ITGB5: variants seen among roughly 807,000 people sequenced by gnomAD.
ITGB5 encodes the protein integrin subunit beta 5.
A neutral mutation model predicts 84.8 loss-of-function variants in ITGB5; 38 were observed. The observed-to-expected ratio is 0.45, with a 90% CI of 0.35 to 0.59. ITGB5 has a LOEUF of 0.59. ITGB5 is among the 20% of genes least tolerant of loss of function. ITGB5 has a pLI of 0.01. For missense variants in ITGB5, 905 were observed against 1,034.5 expected (o/e 0.87, Z 1.72); for synonymous variants, 393 against 414.4 (o/e 0.95, Z 0.63).
chr3:124,800,414 AGT>A (rs762830293), intron 9 of ITGB5, among the ~76,000 whole-genome samples: 2 of 152,194 alleles, frequency 1.3e-5, no homozygotes, highest in African/African-American at 2.4e-5. Context: ...TCTGGGAGAA[AGT>A]GGGAGGTTAG....
intron 5 of ITGB5, among the ~76,000 whole-genome samples, chr3:124,826,459 A>C (rs2064785760): frequency 6.6e-6 from 1 of 152,212 alleles, no homozygotes; most frequent in Non-Finnish European, 1.5e-5. Context: ...GTAGAACAGG[A>C]ATAATAATAT....
At chr3:124,840,875 A>C (rs1260980772) in intron 5 of ITGB5, among the ~76,000 whole-genome samples, 1 of 152,106 alleles carries the variant, frequency 6.6e-6, no homozygotes, top group African/African-American at 2.4e-5. Flanking sequence ...TATGTTGGCC[A>C]GGCTGGCCTT....
chr3:124,764,525 G>A lies in ITGB5; in HGVS notation c.2170C>T (p.Leu724Phe), dbSNP rs745640260. 2.5e-6 allele frequency: 4 copies of A among 1,613,836 alleles called. No individual in the cohort carries two copies. The highest frequency in any genetic ancestry group is 2.2e-5 in the South Asian group (2 of 91,052). Reference protein sequence around the residue: ...CGNTPNAMTILLAVVGSILLV... With the variant: ...CGNTPNAMTIFLAVVGSILLV... Reference sequence around the variant, plus strand: ...AGGATGCTACCGACCACAGCCAGGAGGATGGTCATGGCGTTGGGGGTGTTT... The same window carrying A: ...AGGATGCTACCGACCACAGCCAGGAAGATGGTCATGGCGTTGGGGGTGTTT... Residue 724 changes from leucine to phenylalanine, a missense_variant, in exon 14 of 15, where the codon CTC becomes TTC. Physicochemically the swap from Leu to Phe is conservative, Grantham distance 22 (BLOSUM62 0). Around this residue, in one of 3 missense-constraint regions of ITGB5, gnomAD observed 133 missense variants for 122.8 expected, o/e 1.08. Transcript: ENST00000296181.
intron 9 of ITGB5, among the ~76,000 whole-genome samples, chr3:124,808,516 A>T (rs1377464677): frequency 2.0e-5 from 3 of 152,202 alleles, no homozygotes; most frequent in Non-Finnish European, 4.4e-5. Flanking sequence ...ATTTGAATAA[A>T]CTTAATCTGG....
At chr3:124,764,932 A>C (rs1220151324) in intron 13 of ITGB5, among the ~76,000 whole-genome samples, 1 of 152,122 alleles carries the variant, frequency 6.6e-6, no homozygotes, top group East Asian at 1.9e-4. Flanking sequence ...ATGAAGCCAC[A>C]TGAAGCCACT....
At chr3:124,825,420 G>A (rs189095353) in intron 5 of ITGB5, among the ~76,000 whole-genome samples, 36 of 152,198 alleles carry the variant, frequency 2.4e-4, no homozygotes, top group Admixed American at 2.0e-3. Context: ...AATGTTATTT[G>A]CAATCATCAT....
At chr3:124,794,793 GAAAC>G (rs911311669) in intron 10 of ITGB5, among the ~76,000 whole-genome samples, 2 of 132,854 alleles carry the variant, frequency 1.5e-5, no homozygotes, top group African/African-American at 6.2e-5. Flanking sequence ...AAAAAAAAAA[GAAAC>G]AAGAAAGAAA....
chr3:124,859,178 G>C lies in ITGB5; in HGVS notation c.361+64C>G. The stretch of plus-strand genomic sequence containing the variant: ...TGACTCATTGTCCCATTATTAACAA[G>C]TCCCACCTCCCCCATGGGCCTTCCT... On this transcript the variant is annotated intron_variant, in intron 3 of 14. Coordinates refer to ENST00000296181, the MANE Select transcript of ITGB5 (RefSeq NM_002213.5). The C allele has an allele frequency of 2.0e-6, 3 of 1,486,400 alleles. No homozygotes were observed. The South Asian group carries it at 3.6e-5, about 18-fold the overall frequency. 92.1% of individuals were successfully genotyped at this position (1,486,400 alleles called of 1,614,324 possible).
intron 5 of ITGB5, among the ~76,000 whole-genome samples, chr3:124,839,733 C>G (rs1257637528): frequency 6.6e-6 from 1 of 152,198 alleles, no homozygotes; most frequent in African/African-American, 2.4e-5. Context: ...GAATCAAATT[C>G]ATAAACTATT....
At chr3:124,791,101 C>T (rs1159470521) in intron 10 of ITGB5, 2 of 152,180 alleles carry the variant, frequency 1.3e-5, no homozygotes, top group African/African-American at 2.4e-5. Context: ...CAGAAACTAA[C>T]AAAGAAACTC....
chr3:124,809,239 C>T (rs773616856), intron 8 of ITGB5, 83 bp from the exon 9 acceptor site: 129 of 1,497,902 alleles, frequency 8.6e-5, no homozygotes, highest in Non-Finnish European at 1.1e-4. Flanking sequence ...CTGAGGCCCA[C>T]GTGGCTTCCT....
At chr3:124,833,089 C>CT (rs963501354) in intron 5 of ITGB5, 10 of 152,154 alleles carry the variant, frequency 6.6e-5, no homozygotes, top group Non-Finnish European at 2.9e-5. Flanking sequence ...AATGAAATAT[C>CT]TTTTTTAAAA....
At chr3:124,848,770 C>G (rs1308802402) in intron 3 of ITGB5, among the ~76,000 whole-genome samples, 1 of 127,340 alleles carries the variant, frequency 7.9e-6, no homozygotes, top group African/African-American at 3.2e-5. Flanking sequence ...CGGCTTAGCA[C>G]TTCTTTTTTT....
At chr3:124,900,691 C>A (rs1331506924) in intron 1 of ITGB5, among the ~76,000 whole-genome samples, 1 of 152,180 alleles carries the variant, frequency 6.6e-6, no homozygotes, top group Admixed American at 6.5e-5. Context: ...TAATGGCAAA[C>A]TGGAGTTCTC....
chr3:124,877,386 T>C (rs566591262), intron 1 of ITGB5, among the ~76,000 whole-genome samples: 77 of 152,308 alleles, frequency 5.1e-4, no homozygotes, highest in African/African-American at 1.8e-3. Flanking sequence ...CCCGTACCTG[T>C]CAGCAATCAC....
At chr3:124,869,273 A>T (rs190722117) in intron 2 of ITGB5, among the ~76,000 whole-genome samples, 31 of 152,168 alleles carry the variant, frequency 2.0e-4, no homozygotes, top group Non-Finnish European at 5.9e-5. Context: ...TAAGGGGTAC[A>T]GGTTGATCAA....
chr3:124,818,803 T>C (rs9853963), intron 7 of ITGB5, among the ~76,000 whole-genome samples: 4,321 of 152,270 alleles, frequency 0.028, 79 homozygotes, highest in Non-Finnish European at 0.045. Flanking sequence ...TAAGTGGCAT[T>C]TTATCAGTGA....
intron 5 of ITGB5, chr3:124,832,902 C>G (rs2064879502): frequency 6.6e-6 from 1 of 152,276 alleles, no homozygotes; most frequent in Admixed American, 6.5e-5. Context: ...GCAGCTCCCA[C>G]AGTAGATCTG....
intron 10 of ITGB5, among the ~76,000 whole-genome samples, chr3:124,784,657 T>C (rs1028748976): frequency 1.3e-5 from 2 of 152,222 alleles, no homozygotes; most frequent in Admixed American, 6.5e-5. Context: ...AAATCAACCA[T>C]AGTCCTCTTC....
Sources: gnomAD v4.1 joint callset for allele counts (sites outside exome capture counted in the v4.1 genomes callset) on GRCh38, gnomAD v4.1.1 for gene constraint, gnomAD v4.1.1 regional missense constraint, MANE v1.5 for transcripts, NCBI Gene and HGNC (gene_info 2026-07-23, HGNC 2026-07-21) for gene names.